DOCK4: variants seen among roughly 807,000 people sequenced by gnomAD.
The protein encoded by DOCK4 is dedicator of cytokinesis 4.
In DOCK4, 97 loss-of-function variants were observed where a neutral mutation model predicts 268.1. The observed-to-expected ratio is 0.36, with a 90% confidence interval of 0.31 to 0.43. The LOEUF (loss-of-function observed/expected upper bound fraction) is 0.43. DOCK4 is among the 20% of genes least tolerant of loss of function. The pLI, the probability that DOCK4 is intolerant of heterozygous loss-of-function variation, is 1.00. For missense variants in DOCK4, 2,145 were observed against 2,455.7 expected (o/e 0.87, Z 2.67); for synonymous variants, 954 against 887.2 (o/e 1.08, Z -1.34).
At chr7:112,146,378 T>C (rs1030874656) in intron 1 of DOCK4, among the ~76,000 whole-genome samples, 1 of 152,076 alleles carries the variant, frequency 6.6e-6, no homozygotes, top group African/African-American at 2.4e-5. Context: ...ATTTCAGAAG[T>C]GTTAAATAAA....
At chr7:111,741,281 T>C (rs1795899056) in intron 46 of DOCK4, 67 bp from the exon 47 acceptor site, 1 of 1,587,778 alleles carries the variant, frequency 6.3e-7, no homozygotes, top group Non-Finnish European at 8.6e-7. Context: ...TGTGCTAGAA[T>C]GCTATGAAAC....
At chr7:112,160,594 G>A (rs1817021644) in intron 1 of DOCK4, among the ~76,000 whole-genome samples, 1 of 152,104 alleles carries the variant, frequency 6.6e-6, no homozygotes, top group African/African-American at 2.4e-5. Flanking sequence ...CTCTGAACAT[G>A]GCAGTCAGAG....
At chr7:111,960,226 G>A (rs1037249423) in intron 8 of DOCK4, among the ~76,000 whole-genome samples, 2 of 151,646 alleles carry the variant, frequency 1.3e-5, no homozygotes, top group African/African-American at 2.4e-5. Context: ...TTAGCAGGGC[G>A]TGGTGGCATA....
intron 16 of DOCK4, among the ~76,000 whole-genome samples, chr7:111,883,503 G>A (rs1337438460): frequency 1.3e-5 from 2 of 151,968 alleles, no homozygotes; most frequent in African/African-American, 2.4e-5. Context: ...TTCTGCCCCT[G>A]TAAACATATC....
intron 1 of DOCK4, among the ~76,000 whole-genome samples, chr7:112,155,359 C>G (rs1171930340): frequency 6.6e-6 from 1 of 152,130 alleles, no homozygotes; most frequent in Non-Finnish European, 1.5e-5. Context: ...AGAGTATAAC[C>G]TGAATTTTGA....
intron 1 of DOCK4, among the ~76,000 whole-genome samples, chr7:112,154,472 TG>T (rs1171374457): frequency 1.3e-5 from 2 of 150,336 alleles, no homozygotes; most frequent in African/African-American, 4.9e-5. Context: ...CAGATTAATG[TG>T]AAGTTCTACA....
At chr7:112,147,918 C>T (rs1815673428) in intron 1 of DOCK4, among the ~76,000 whole-genome samples, 1 of 150,642 alleles carries the variant, frequency 6.6e-6, no homozygotes, top group South Asian at 2.1e-4. Context: ...CCCTACTTCC[C>T]CATCTCATTT....
At chr7:112,034,838 G>A (rs568237147) in intron 1 of DOCK4, among the ~76,000 whole-genome samples, 23 of 152,240 alleles carry the variant, frequency 1.5e-4, no homozygotes, top group Middle Eastern at 3.4e-3. Flanking sequence ...GGAGGCGGAG[G>A]TTGCAGTGGG....
intron 12 of DOCK4, among the ~76,000 whole-genome samples, chr7:111,926,098 A>AAG (rs1292727994): frequency 1.9e-4 from 27 of 141,336 alleles, no homozygotes; most frequent in Admixed American, 5.0e-4. Flanking sequence ...AGAAAAAAGA[A>AAG]AGAGAGAGAG....
rs1795568428 is a variant in DOCK4, at chr7:111,945,753, G to A, written c.747C>T (p.Ala249=). 3.1e-6 allele frequency: 5 copies of A among 1,599,164 alleles called. No individual in the cohort carries two copies. Among genetic ancestry groups the A allele is most frequent in the Admixed American group, 1.7e-5 (1 of 58,206 alleles). The change falls in exon 9 of 53, where the codon GCC becomes GCT. Residue 249 remains alanine (A), a synonymous_variant. Transcript: ENST00000428084. ...AGCAATGTCGTTCCGGTTTATCAGGGGCTTTGGGAAGCCCGTTTCTATTCA... is the reference window on the plus strand; with the variant it reads ...AGCAATGTCGTTCCGGTTTATCAGGAGCTTTGGGAAGCCCGTTTCTATTCA... ...LRLNRNGLPK[A]PDKPERHCSL... is the part of the protein sequence containing the mutation.
chr7:111,896,817 T>C (rs1265894723), intron 15 of DOCK4, among the ~76,000 whole-genome samples: 1 of 152,196 alleles, frequency 6.6e-6, no homozygotes, highest in African/African-American at 2.4e-5. Context: ...TTTGTCTGGC[T>C]GGTGCTGGTC....
At chr7:111,805,125 T>G (rs1337311347) in intron 30 of DOCK4, among the ~76,000 whole-genome samples, 2 of 152,170 alleles carry the variant, frequency 1.3e-5, no homozygotes, top group African/African-American at 2.4e-5. Context: ...GAGGACTATT[T>G]GTTGTCTTTG....
chr7:111,806,110 T>C (rs1423071318), intron 30 of DOCK4, among the ~76,000 whole-genome samples: 2 of 152,196 alleles, frequency 1.3e-5, no homozygotes, highest in Non-Finnish European at 2.9e-5. Flanking sequence ...CTTCATAAAC[T>C]TAGTCAAATT....
At chr7:112,174,897 A>G (rs1004651388) in intron 1 of DOCK4, among the ~76,000 whole-genome samples, 17 of 148,770 alleles carry the variant, frequency 1.1e-4, no homozygotes, top group Non-Finnish European at 8.9e-5. Context: ...TTGTTTTTGC[A>G]TGCTTACTAA....
In DOCK4 at chr7:112,007,940, T is replaced by C. The variant is rs528349921; in HGVS notation, c.38-3809A>G. On this transcript the variant is annotated intron_variant, in intron 1 of 52. Transcript: ENST00000428084. ...GTCACCAGTTATTATAAAGTAGCTATCTCTTTATACAAAAGTTTATTCATG... is the reference window on the plus strand; with the variant it reads ...GTCACCAGTTATTATAAAGTAGCTACCTCTTTATACAAAAGTTTATTCATG... 3.9e-5 allele frequency among the ~76,000 whole-genome samples: 6 copies of C among 152,362 alleles called. No homozygotes were observed. In the East Asian group the frequency reaches 1.2e-3, roughly 29 times the overall value.
rs2133334245 is a variant in DOCK4, at chr7:111,727,240, C to T, written c.*1034G>A. On this transcript the variant is annotated 3_prime_UTR_variant, in exon 53 of 53. Coordinates refer to ENST00000428084, the MANE Select transcript of DOCK4 (RefSeq NM_001363540.2). ...GACGACAGGTCAGCTAAGACAAACT[C>T]CACTGGTAAAAGTGGAGAGTCGTGA... is the stretch of plus-strand genomic sequence containing the variant. 6.5e-6 allele frequency: 1 copy of T among 152,746 alleles called. No homozygotes were observed. Among genetic ancestry groups the T allele is most frequent in the Non-Finnish European group, 1.5e-5 (1 of 68,032 alleles). The allele number at this position is 152,746 out of a possible 1,614,324, so 9.5% of individuals were successfully genotyped here. A position where few individuals can be genotyped will look rare whatever the true frequency, so the allele number is the denominator to read the frequency against.
At chr7:112,059,677 T>C (rs1340199601) in intron 1 of DOCK4, among the ~76,000 whole-genome samples, 1 of 152,182 alleles carries the variant, frequency 6.6e-6, no homozygotes, top group Non-Finnish European at 1.5e-5. Flanking sequence ...CAGAGATAGT[T>C]AACTAATGCA....
At chr7:111,962,404 CTAT>C (rs1796982726) in intron 8 of DOCK4, among the ~76,000 whole-genome samples, 2 of 152,124 alleles carry the variant, frequency 1.3e-5, no homozygotes, top group Non-Finnish European at 2.9e-5. Context: ...GGGGAAAGTA[CTAT>C]TATTATCTCT....
At chr7:112,103,557 T>C (rs1179139430) in intron 1 of DOCK4, among the ~76,000 whole-genome samples, 4 of 152,166 alleles carry the variant, frequency 2.6e-5, no homozygotes, top group African/African-American at 9.7e-5. Flanking sequence ...AAAGCATAGA[T>C]TGGTGAAAGA....
Sources: gnomAD v4.1 joint callset for allele counts (sites outside exome capture counted in the v4.1 genomes callset) on GRCh38, gnomAD v4.1.1 for gene constraint, MANE v1.5 for transcripts, NCBI Gene and HGNC (gene_info 2026-07-23, HGNC 2026-07-21) for gene names.